Variants in NOP58 observed in about 807,000 individuals in gnomAD.
NOP58 encodes the protein nucleolar protein 58.
NOP58 carries 44 observed loss-of-function variants against 71.2 expected under a neutral mutation model. The ratio of observed to expected loss-of-function variants is 0.62; its 90% CI spans 0.49 to 0.79. NOP58 has a LOEUF of 0.79. Among genes scored for constraint, NOP58 ranks in the 30% least tolerant of loss-of-function variants. The pLI, the probability that NOP58 is intolerant of heterozygous loss-of-function variation, is 0.00. For missense variants in NOP58, 538 were observed against 620.2 expected, an observed-to-expected ratio of 0.87 and a Z score of 1.41; for synonymous variants, 228 against 200.3, an observed-to-expected ratio of 1.14 and a Z score of -1.17.
At chr2:202,287,064 CTTTTTTT>C (rs11326861) in intron 5 of NOP58, among the ~76,000 whole-genome samples, 70 of 110,724 alleles carry the variant, frequency 6.3e-4, no homozygotes, top group Non-Finnish European at 1.1e-3. Context: ...ACCAATATGG[CTTTTTTT>C]TTTTTTTTTT....
At chr2:202,277,846 T>C in intron 2 of NOP58, 104 bp from the exon 3 acceptor site, 1 of 686,522 alleles carries the variant, frequency 1.5e-6, no homozygotes, top group South Asian at 1.7e-5. Context: ...GTTTTATTGG[T>C]GTGTGCTTTG....
At chr2:202,300,967 A>G (rs1464942667) in intron 13 of NOP58, among the ~76,000 whole-genome samples, 3 of 152,208 alleles carry the variant, frequency 2.0e-5, no homozygotes, top group Non-Finnish European at 4.4e-5. Context: ...TAAGTAGCTT[A>G]GTGGTCAAAA....
At chr2:202,302,854 C>T (rs562040512) in intron 13 of NOP58, 67 bp from the exon 14 acceptor site, 15 of 1,511,270 alleles carry the variant, frequency 9.9e-6, no homozygotes, top group East Asian at 2.3e-5. Context: ...AGGACTCAAA[C>T]GTTTTTGGAA....
chr2:202,282,925 T>A (rs1330434513), intron 4 of NOP58, among the ~76,000 whole-genome samples: 1 of 152,028 alleles, frequency 6.6e-6, no homozygotes, highest in Non-Finnish European at 1.5e-5. Context: ...AGCAGAACAA[T>A]TCGGGCGGGG....
At chr2:202,303,086 ACTTGGAGGGGCCAGTTCTCTATATTT>A (rs1332458465) in intron 14 of NOP58, 29 bp downstream of exon 14, 2 of 1,601,970 alleles carry the variant, frequency 1.2e-6, no homozygotes, top group South Asian at 2.3e-5. Flanking sequence ...ATCGGTTTTC[ACTTGGAGGGGCCAGTTCTCTATATTT>A]CAATCTATTT....
intron 2 of NOP58, among the ~76,000 whole-genome samples, chr2:202,277,669 A>G (rs1459263663): frequency 6.6e-6 from 1 of 152,300 alleles, no homozygotes; most frequent in East Asian, 1.9e-4. Context: ...GCTTTATGCA[A>G]CAGGGGTTTG....
rs748623051 is a variant in NOP58, at chr2:202,295,763, C to A, written c.997C>A (p.Arg333=). 1 of 1,611,700 alleles carries A rather than the reference C, an allele frequency of 6.2e-7. No homozygotes were observed. The change falls in exon 10 of 15, where the codon CGG becomes AGG. Residue 333 remains arginine, a synonymous_variant. Coordinates refer to ENST00000264279, the MANE Select transcript of NOP58 (RefSeq NM_015934.5). ...ACTTTTCAGAGCCCTCAAATCTAGA[C>A]GGGATACCCCTAAGTATGGTCTCAT... ...KALFRALKSR[R]DTPKYGLIYH...
chr2:202,276,619 C>T, intron 2 of NOP58: 1 of 345,784 alleles, frequency 2.9e-6, no homozygotes, highest in South Asian at 2.2e-5. Flanking sequence ...GCAGGCGGAT[C>T]AGTTGAGCCC....
In NOP58 at chr2:202,277,650, C is replaced by T. The variant is rs574173323; in HGVS notation, c.123-300C>T. ...ATTCTATGCTGTATAATAAAGTCAT[C>T]TCTGTACAGCTTTATGCAACAGGGG... On this transcript the variant is annotated intron_variant, in intron 2 of 14. Transcript: ENST00000264279. Among the ~76,000 whole-genome samples, 12 of 152,254 alleles carry T rather than the reference C, an allele frequency of 7.9e-5. No individual in the cohort carries two copies. In the South Asian group the frequency reaches 2.5e-3, roughly 32 times the overall value.
In NOP58 at chr2:202,280,327, A is replaced by AT. The variant is rs973010946; in HGVS notation, c.176-2011dup. 1.6e-3 allele frequency among the ~76,000 whole-genome samples: 228 copies of AT among 145,430 alleles called. No individual in the cohort carries two copies. In the East Asian group the frequency reaches 0.018, roughly 11 times the overall value. On this transcript the variant is annotated intron_variant, in intron 3 of 14. Transcript: ENST00000264279. ...ATAGCAAGACCCCCTCTCAAAAAAG[A>AT]TTTTTTTTTTTTTGGAGATGGAGTT...
At chr2:202,278,326 C>T (rs1450652548) in intron 3 of NOP58, 1 of 497,160 alleles carries the variant, frequency 2.0e-6, no homozygotes, top group Non-Finnish European at 4.1e-6. Flanking sequence ...TACAAGGGAC[C>T]AAGGTAATGT....
intron 5 of NOP58, among the ~76,000 whole-genome samples, chr2:202,287,064 CTT>C (rs11326861): frequency 3.2e-3 from 353 of 110,688 alleles, no homozygotes; most frequent in African/African-American, 8.8e-3. Context: ...ACCAATATGG[CTT>C]TTTTTTTTTT....
intron 8 of NOP58, 126 bp from the exon 9 acceptor site, chr2:202,292,651 G>C (rs1688923207): frequency 1.4e-6 from 1 of 704,430 alleles, no homozygotes; most frequent in Non-Finnish European, 2.4e-6. Context: ...AGGCATAGGT[G>C]ATGTACCCAG....
At position 202,297,901 on chromosome 2, in the gene NOP58, C is replaced by A; in HGVS notation, c.1263C>A (p.His421Gln). Residue 421 changes from histidine (H) to glutamine (Q), a missense_variant, in exon 12 of 15, where the codon CAC becomes CAA. By Grantham distance (24) the His-to-Gln change is conservative. Transcript: ENST00000264279. The part of the protein sequence containing the change: ...KALAKTEKYE[H>Q]KSEVKTYDPS... Reference sequence around the variant, plus strand: ...TAGCAAAAACAGAAAAATATGAACACAAAAGGTGAGTACATTTAAGTGAGG... The same window carrying A: ...TAGCAAAAACAGAAAAATATGAACAAAAAAGGTGAGTACATTTAAGTGAGG... 6.3e-7 allele frequency: 1 copy of A among 1,575,596 alleles called. No homozygotes were observed. Among genetic ancestry groups the A allele is most frequent in the Non-Finnish European group, 8.6e-7 (1 of 1,159,306 alleles).
intron 3 of NOP58, chr2:202,278,205 A>T: frequency 1.5e-6 from 1 of 659,250 alleles, no homozygotes; most frequent in Non-Finnish European, 2.9e-6. Context: ...AGCTTTTTTC[A>T]CCATAGGGCT....
At chr2:202,293,265 C>A in intron 9 of NOP58, 1 of 349,526 alleles carries the variant, frequency 2.9e-6, no homozygotes, top group Non-Finnish European at 5.5e-6. Flanking sequence ...TAAGAAATCA[C>A]TGTAGAGAAA....
At chr2:202,266,925 T>C (rs2105833473) in intron 1 of NOP58, among the ~76,000 whole-genome samples, 1 of 152,340 alleles carries the variant, frequency 6.6e-6, no homozygotes, top group South Asian at 2.1e-4. Context: ...CTATTAGACC[T>C]GATAATGCAG....
intron 3 of NOP58, chr2:202,278,381 T>G (rs781772744): frequency 2.1e-4 from 90 of 431,232 alleles, no homozygotes; most frequent in Non-Finnish European, 3.9e-4. Flanking sequence ...AAGGGTAGAG[T>G]TGTAATCCTG....
At chr2:202,288,129 T>C (rs1158394836) in intron 6 of NOP58, among the ~76,000 whole-genome samples, 1 of 152,184 alleles carries the variant, frequency 6.6e-6, no homozygotes, top group Admixed American at 6.5e-5. Flanking sequence ...ATGAAAATGT[T>C]AAAAACATAA....
Sources: gnomAD v4.1 joint callset for allele counts (sites outside exome capture counted in the v4.1 genomes callset) on GRCh38, gnomAD v4.1.1 for gene constraint, MANE v1.5 for transcripts, NCBI Gene and HGNC (gene_info 2026-07-23, HGNC 2026-07-21) for gene names.